Variants in EDIL3 observed in about 807,000 individuals in gnomAD.
EDIL3 encodes EGF like and discoidin domains 3.
A neutral mutation model predicts 67.4 loss-of-function variants in EDIL3; 37 were observed. That is an observed-to-expected ratio of 0.55 (90% confidence interval 0.42 to 0.72). The LOEUF is 0.72. Ranked by LOEUF, EDIL3 falls within the 30% of genes least tolerant of loss-of-function variation. The probability of loss-of-function intolerance (pLI) is 0.00; values close to 1 mark genes in which losing one functional copy is unlikely to be tolerated. For missense variants in EDIL3, 527 were observed against 586.3 expected (o/e 0.90, Z 1.04); for synonymous variants, 195 against 196.3 (o/e 0.99, Z 0.05).
Position 84,240,810 on chromosome 5 carries a change from A to G in EDIL3, c.197-10926T>C, listed in dbSNP as rs1250544719. Reference sequence around the variant, plus strand: ...CCAATCCTCCCCATAAACACCTTATAAACTGAGCAACCACTAATGCTAATT... The same window carrying G: ...CCAATCCTCCCCATAAACACCTTATGAACTGAGCAACCACTAATGCTAATT... On this transcript the variant is annotated intron_variant, in intron 2 of 10. Coordinates refer to ENST00000296591, the MANE Select transcript of EDIL3 (RefSeq NM_005711.5). Among the ~76,000 whole-genome samples the G allele has an allele frequency of 2.0e-5, 3 of 152,174 alleles. No individual in the cohort carries two copies. In the South Asian group the frequency reaches 6.2e-4, roughly 32 times the overall value.
intron 5 of EDIL3, among the ~76,000 whole-genome samples, chr5:84,134,395 T>C (rs757188484): frequency 6.6e-6 from 1 of 152,130 alleles, no homozygotes; most frequent in Non-Finnish European, 1.5e-5. Context: ...CTCTGGGACA[T>C]GCATGATACA....
At chr5:84,160,115 C>T (rs769741807) in intron 4 of EDIL3, among the ~76,000 whole-genome samples, 3 of 152,146 alleles carry the variant, frequency 2.0e-5, no homozygotes, top group Non-Finnish European at 4.4e-5. Context: ...TGTAGAACTA[C>T]TACTCCTTCT....
At chr5:83,959,983 G>C (rs904742381) in intron 10 of EDIL3, among the ~76,000 whole-genome samples, 1 of 150,780 alleles carries the variant, frequency 6.6e-6, no homozygotes. Context: ...AAAATGGAGA[G>C]ACCTAATGCT....
intron 1 of EDIL3, among the ~76,000 whole-genome samples, chr5:84,309,898 A>G (rs891180309): frequency 2.0e-5 from 3 of 152,130 alleles, no homozygotes; most frequent in Non-Finnish European, 4.4e-5. Flanking sequence ...CTAGTTCTAG[A>G]TCCCTGAAGA....
chr5:84,110,942 C>T (rs191560436), intron 5 of EDIL3, among the ~76,000 whole-genome samples: 1 of 152,242 alleles, frequency 6.6e-6, no homozygotes, highest in Admixed American at 6.5e-5. Flanking sequence ...TGTGTCCCCA[C>T]CTAAATCTCA....
At chr5:83,972,840 T>A (rs1012797761) in intron 9 of EDIL3, among the ~76,000 whole-genome samples, 6 of 152,112 alleles carry the variant, frequency 3.9e-5, no homozygotes, top group African/African-American at 9.7e-5. Flanking sequence ...TTTTTAAAAC[T>A]TGAATTTCTG....
At chr5:84,211,722 A>G (rs1744123174) in intron 3 of EDIL3, among the ~76,000 whole-genome samples, 1 of 152,338 alleles carries the variant, frequency 6.6e-6, no homozygotes, top group African/African-American at 2.4e-5. Flanking sequence ...TAGAACCCTC[A>G]GAGAGAGCAT....
chr5:83,948,726 A>G (rs533522500), intron 10 of EDIL3, among the ~76,000 whole-genome samples: 4 of 151,964 alleles, frequency 2.6e-5, no homozygotes, highest in South Asian at 2.1e-4. Context: ...TGAAACTTCT[A>G]TAAGTGATTG....
At chr5:84,312,213 CG>C (rs1746409586) in intron 1 of EDIL3, among the ~76,000 whole-genome samples, 1 of 143,880 alleles carries the variant, frequency 7.0e-6, no homozygotes, top group Non-Finnish European at 1.5e-5. Flanking sequence ...CCCTCCCCGA[CG>C]GGGCGGCTGG....
chr5:83,961,173 G>T lies in EDIL3; in HGVS notation c.1293+2032C>A, dbSNP rs1744600633. On this transcript the variant is annotated intron_variant, in intron 10 of 10. Transcript: ENST00000296591. ...TGAAAAAGGGTTGATTTGATCAAAA[G>T]GACATTAAAAATCTGTTTATGTACA... 2.0e-5 allele frequency among the ~76,000 whole-genome samples: 3 copies of T among 150,926 alleles called. No individual in the cohort carries two copies. In the South Asian group the frequency reaches 6.2e-4, roughly 31 times the overall value.
chr5:84,353,308 G>A (rs1747403425), intron 1 of EDIL3, among the ~76,000 whole-genome samples: 1 of 152,088 alleles, frequency 6.6e-6, no homozygotes, highest in Non-Finnish European at 1.5e-5. Context: ...TATCAGCACT[G>A]GCAGAAAGGC....
At chr5:84,370,740 G>T (rs1747825556) in intron 1 of EDIL3, among the ~76,000 whole-genome samples, 2 of 152,114 alleles carry the variant, frequency 1.3e-5, no homozygotes, top group Admixed American at 1.3e-4. Context: ...AGCTCTTAGA[G>T]TTTGCCACTA....
chr5:84,144,968 C>G (rs932377455), intron 4 of EDIL3, among the ~76,000 whole-genome samples: 3 of 152,086 alleles, frequency 2.0e-5, no homozygotes, highest in African/African-American at 4.8e-5. Flanking sequence ...CATAGCTTGA[C>G]TTTAACCATT....
intron 5 of EDIL3, among the ~76,000 whole-genome samples, chr5:84,135,882 G>A (rs943306267): frequency 6.6e-6 from 1 of 151,204 alleles, no homozygotes; most frequent in African/African-American, 2.4e-5. Context: ...TATTTTGTGT[G>A]GTTTGTCAGG....
intron 8 of EDIL3, 45 bp downstream of exon 8, chr5:84,064,655 T>A: frequency 6.4e-7 from 1 of 1,567,806 alleles, no homozygotes; most frequent in Non-Finnish European, 8.6e-7. Flanking sequence ...ATATGCTTTT[T>A]GTTTTCTTTA....
chr5:84,047,396 A>C (rs1036287521), intron 9 of EDIL3, among the ~76,000 whole-genome samples: 3 of 152,106 alleles, frequency 2.0e-5, no homozygotes, highest in Non-Finnish European at 4.4e-5. Flanking sequence ...AATGACTCAA[A>C]ATTAGAAGGG....
intron 5 of EDIL3, among the ~76,000 whole-genome samples, chr5:84,122,137 C>T (rs2112299892): frequency 6.6e-6 from 1 of 152,030 alleles, no homozygotes; most frequent in Non-Finnish European, 1.5e-5. Context: ...TCTCCTCATC[C>T]AATATCTTTC....
At chr5:84,251,312 T>C (rs1322740940) in intron 2 of EDIL3, among the ~76,000 whole-genome samples, 5 of 151,970 alleles carry the variant, frequency 3.3e-5, no homozygotes, top group African/African-American at 1.2e-4. Context: ...AGGGTTTCAC[T>C]ATGTTGGCCA....
chr5:84,077,477 G>T (rs1279803702), intron 6 of EDIL3, among the ~76,000 whole-genome samples: 3 of 152,168 alleles, frequency 2.0e-5, no homozygotes, highest in Admixed American at 6.5e-5. Context: ...CATGGCTGGG[G>T]AGGGCTCACA....
Sources: gnomAD v4.1 joint callset for allele counts (sites outside exome capture counted in the v4.1 genomes callset) on GRCh38, gnomAD v4.1.1 for gene constraint, MANE v1.5 for transcripts, NCBI Gene and HGNC (gene_info 2026-07-23, HGNC 2026-07-21) for gene names.